FAM234A: variants seen among roughly 807,000 people sequenced by gnomAD.
FAM234A encodes the protein family with sequence similarity 234 member A.
In FAM234A, 42 loss-of-function variants were observed where a neutral mutation model predicts 49.1. The ratio of observed to expected loss-of-function variants is 0.86; its 90% CI spans 0.67 to 1.11. The LOEUF (loss-of-function observed/expected upper bound fraction) is 1.11, where lower values mean the gene tolerates loss of function less well. Ranked by LOEUF, FAM234A falls within the 50% of genes least tolerant of loss-of-function variation. The pLI is 0.00. For synonymous variants in FAM234A, 369 were observed against 316.2 expected, an observed-to-expected ratio of 1.17 and a Z score of -1.77; for missense variants, 815 against 745.2, an observed-to-expected ratio of 1.09 and a Z score of -1.09.
rs2051542132 is a variant in FAM234A, at chr16:263,114, A to G, written c.972-148A>G. ...ATTACAGGCATGAGCCACCGCGCCC[A>G]GCTCTTCTCTTTTCAAGCTGTAGAA... On this transcript the variant is annotated intron_variant, in intron 8 of 12. Coordinates refer to ENST00000399932, the MANE Select transcript of FAM234A (RefSeq NM_032039.4). 7.9e-6 allele frequency: 8 copies of G among 1,017,524 alleles called. No individual in the cohort carries two copies. The East Asian group carries it at 1.5e-4, about 19-fold the overall frequency. The allele number at this position is 1,017,524 out of a possible 1,614,324, so 63.0% of individuals were successfully genotyped here.
chr16:260,888 G>A (rs1272827806), intron 5 of FAM234A: 7 of 333,842 alleles, frequency 2.1e-5, no homozygotes, highest in Non-Finnish European at 3.6e-5. Context: ...ATCTGCCTCC[G>A]GGCGCACACC....
At chr16:258,458 C>T (rs1276228296) in intron 3 of FAM234A, among the ~76,000 whole-genome samples, 5 of 152,108 alleles carry the variant, frequency 3.3e-5, no homozygotes, top group Non-Finnish European at 7.4e-5. Context: ...TTTCAGAGAG[C>T]ACAGGGTTGG....
Position 259,895 on chromosome 16 carries a change from C to T in FAM234A, c.386-74C>T, listed in dbSNP as rs74003710. On this transcript the variant is annotated intron_variant, in intron 4 of 12. Coordinates refer to ENST00000399932, the MANE Select transcript of FAM234A (RefSeq NM_032039.4). ...AGGTGTGAGGAAAACAGACCTGGAA[C>T]AGCACATGCTGGGGCTGGCCGGCCT... The T allele has an allele frequency of 2.1e-3, 2,836 of 1,358,150 alleles. 53 individuals carry two copies. In the African/African-American group the frequency reaches 0.036, roughly 17 times the overall value. 84.1% of individuals were successfully genotyped at this position (1,358,150 alleles called of 1,614,324 possible). A position where few individuals can be genotyped will look rare whatever the true frequency, so the allele number is the denominator to read the frequency against.
In FAM234A at chr16:257,667, A is replaced by G. The variant is rs191440534; in HGVS notation, c.269-1816A>G. ...ACGTTTAGGTCTTTGATTCATTTTG[A>G]GTTCATTTTTGTGCATGACGTAAAG... On this transcript the variant is annotated intron_variant, in intron 3 of 12. Coordinates refer to ENST00000399932, the MANE Select transcript of FAM234A (RefSeq NM_032039.4). 2.0e-5 allele frequency among the ~76,000 whole-genome samples: 3 copies of G among 150,388 alleles called. No homozygotes were observed. In the East Asian group the frequency reaches 5.9e-4, roughly 29 times the overall value.
intron 1 of FAM234A, among the ~76,000 whole-genome samples, chr16:237,443 C>T (rs2050443942): frequency 6.6e-6 from 1 of 152,008 alleles, no homozygotes; most frequent in Non-Finnish European, 1.5e-5. Context: ...GGAGTCTTTT[C>T]TGTTTTTTCT....
At chr16:254,129 G>A (rs1446253155) in intron 2 of FAM234A, 4 of 439,734 alleles carry the variant, frequency 9.1e-6, no homozygotes, top group East Asian at 9.2e-5. Flanking sequence ...AGCGTGTTCT[G>A]GATGAAAATA....
At chr16:260,213 C>T (rs980525819) in intron 5 of FAM234A, 53 bp downstream of exon 5, 182 of 1,548,122 alleles carry the variant, frequency 1.2e-4, no homozygotes, top group Non-Finnish European at 1.5e-4. Flanking sequence ...CCTGAGCCAC[C>T]TCACCCTGAG....
chr16:248,103 C>T (rs1486844000), intron 1 of FAM234A: 1 of 152,084 alleles, frequency 6.6e-6, no homozygotes, highest in Non-Finnish European at 1.5e-5. Flanking sequence ...TGTGATATGT[C>T]TTATTTCATT....
chr16:244,892 A>G (rs144546106), intron 1 of FAM234A, among the ~76,000 whole-genome samples: 2,793 of 151,044 alleles, frequency 0.018, 30 homozygotes, highest in Middle Eastern at 0.044. Flanking sequence ...GGGTTTCTCC[A>G]TGTTGGTCAG....
In FAM234A at chr16:261,494, C is replaced by G. The variant is rs1467849146; in HGVS notation, c.688C>G (p.Leu230Val). ...DGDGAPDLLV[L>V]TQEREEVSGH... ...CGATGGGGCCCCAGACCTGCTGGTT[C>G]TCACCCAGGAGCGGGAGGAGGTACA... is the stretch of plus-strand genomic sequence containing the variant. The change falls in exon 6 of 13, where the codon CTC becomes GTC. Residue 230 changes from leucine (L) to valine (V), a missense_variant. Transcript: ENST00000399932. The G allele has an allele frequency of 6.2e-7, 1 of 1,609,948 alleles. No homozygotes were observed. The highest frequency in any genetic ancestry group is 1.7e-5 in the Admixed American group (1 of 59,602).
chr16:259,151 G>A (rs1427890853), intron 3 of FAM234A, among the ~76,000 whole-genome samples: 1 of 152,210 alleles, frequency 6.6e-6, no homozygotes, highest in East Asian at 1.9e-4. Context: ...GAAAGGAAGT[G>A]TAAACCCTGA....
At chr16:244,607 A>C (rs990490489) in intron 1 of FAM234A, among the ~76,000 whole-genome samples, 2 of 151,010 alleles carry the variant, frequency 1.3e-5, no homozygotes, top group Non-Finnish European at 2.9e-5. Flanking sequence ...ATTTTGGACT[A>C]CTTATAGATT....
intron 1 of FAM234A, among the ~76,000 whole-genome samples, chr16:241,105 G>A (rs558669008): frequency 9.2e-5 from 14 of 151,834 alleles, no homozygotes; most frequent in Non-Finnish European, 1.6e-4. Context: ...TTTTTTTGTG[G>A]AGGTAGGGTT....
At chr16:238,511 A>C (rs1007347013) in intron 1 of FAM234A, among the ~76,000 whole-genome samples, 2 of 152,062 alleles carry the variant, frequency 1.3e-5, no homozygotes, top group Non-Finnish European at 2.9e-5. Context: ...TCACGCCTGT[A>C]ATCCCAGCCC....
At chr16:257,946 C>T (rs1446973580) in intron 3 of FAM234A, among the ~76,000 whole-genome samples, 1 of 152,106 alleles carries the variant, frequency 6.6e-6, no homozygotes, top group Non-Finnish European at 1.5e-5. Context: ...CAGCCTCCAC[C>T]TCCTGGGTTC....
downstream of FAM234A, among the ~76,000 whole-genome samples, chr16:266,790 T>G (rs2051704576): frequency 6.6e-6 from 1 of 152,102 alleles, no homozygotes; most frequent in African/African-American, 2.4e-5. Context: ...TATAGGGCTC[T>G]GCGGACGCGT....
At chr16:254,196 T>G (rs1596806574) in intron 2 of FAM234A, 185 bp from the exon 3 acceptor site, 2 of 607,334 alleles carry the variant, frequency 3.3e-6, no homozygotes, top group East Asian at 5.6e-5. Flanking sequence ...ATTAGAGACC[T>G]TCTTAAGTAT....
intron 1 of FAM234A, among the ~76,000 whole-genome samples, chr16:244,256 C>G (rs368934425): frequency 2.6e-5 from 4 of 152,214 alleles, no homozygotes; most frequent in South Asian, 2.1e-4. Context: ...GCGTGAGCCA[C>G]CGCGCCCGGT....
intron 8 of FAM234A, 39 bp from the exon 9 acceptor site, chr16:263,223 C>T (rs763382589): frequency 6.2e-6 from 10 of 1,601,350 alleles, no homozygotes; most frequent in East Asian, 2.2e-5. Flanking sequence ...GAGGCCGCCC[C>T]GGGGACCCGG....
Sources: allele counts gnomAD v4.1 joint callset (sites outside exome capture counted in the v4.1 genomes callset), GRCh38; gene constraint gnomAD v4.1.1; transcripts MANE v1.5; gene names NCBI Gene and HGNC (gene_info 2026-07-23, HGNC 2026-07-21).